Variants in PPP2R5A observed in about 807,000 individuals in gnomAD.
The protein encoded by PPP2R5A is protein phosphatase 2 regulatory subunit B'alpha.
Under a neutral mutation model 64.2 loss-of-function variants are expected in PPP2R5A, and 25 were observed. The ratio of observed to expected loss-of-function variants is 0.39; its 90% CI spans 0.28 to 0.54. PPP2R5A has a LOEUF of 0.54. PPP2R5A is among the 20% of genes least tolerant of loss of function. The pLI is 0.67. For missense variants in PPP2R5A, 425 were observed against 576.3 expected (o/e 0.74, Z 2.69); for synonymous variants, 198 against 201.2 (o/e 0.98, Z 0.13).
rs1658484834 is a variant in PPP2R5A, at chr1:212,285,879, C to T, written c.-232C>T. ...CCCCCGCCCTTCCCTCCGTCAGCCC[C>T]GGGAGCTCGCCGCGCGCCGGGGACC... On this transcript the variant is annotated 5_prime_UTR_variant, in exon 1 of 13. Transcript: ENST00000261461. 2.5e-6 allele frequency: 1 copy of T among 402,870 alleles called. No homozygotes were observed. Among genetic ancestry groups the T allele is most frequent in the South Asian group, 7.9e-5 (1 of 12,708 alleles). The allele number at this position is 402,870 out of a possible 1,614,324, so 25.0% of individuals were successfully genotyped here.
chr1:212,345,866 C>T lies in PPP2R5A; in HGVS notation c.637C>T (p.Arg213Ter). 6.2e-7 allele frequency: 1 copy of T among 1,611,884 alleles called. No homozygotes were observed. Among genetic ancestry groups the T allele is most frequent in the Non-Finnish European group, 8.5e-7 (1 of 1,178,826 alleles). Residue 213 changes from arginine to a stop codon, truncating the protein, a stop_gained, in exon 5 of 13, where the codon CGA becomes TGA. Transcript: ENST00000261461. LOFTEE classifies it high-confidence loss of function. ...ERDFLKTVLH[R>*]IYGKFLGLRA... is the part of the protein sequence containing the mutation. ...TGACTTCCTGAAGACTGTTCTGCAC[C>T]GAATTTATGGGAAATTTCTTGGATT... is the stretch of plus-strand genomic sequence containing the variant.
At chr1:212,352,915 TG>T (rs758170756) in intron 8 of PPP2R5A, 1 of 519,194 alleles carries the variant, frequency 1.9e-6, no homozygotes, top group South Asian at 1.4e-5. Flanking sequence ...TTCTGTTTGC[TG>T]TAACTGATCT....
intron 1 of PPP2R5A, among the ~76,000 whole-genome samples, chr1:212,293,741 A>G (rs911493045): frequency 4.6e-5 from 7 of 152,046 alleles, no homozygotes; most frequent in African/African-American, 1.4e-4. Context: ...ACTGAAGACA[A>G]GGGATTTCTT....
chr1:212,328,887 C>G (rs961791889), intron 1 of PPP2R5A, among the ~76,000 whole-genome samples: 4 of 152,018 alleles, frequency 2.6e-5, no homozygotes, highest in African/African-American at 9.7e-5. Context: ...GAGTTTGAGT[C>G]TATCTTGGGC....
chr1:212,289,985 C>T (rs1658571653), intron 1 of PPP2R5A, among the ~76,000 whole-genome samples: 1 of 152,120 alleles, frequency 6.6e-6, no homozygotes, highest in Non-Finnish European at 1.5e-5. Flanking sequence ...AGAAATCAAC[C>T]TAACCAGTAG....
chr1:212,296,589 T>C (rs970865092), intron 1 of PPP2R5A, among the ~76,000 whole-genome samples: 2 of 152,190 alleles, frequency 1.3e-5, no homozygotes, highest in African/African-American at 4.8e-5. Context: ...GTTATGTGCA[T>C]GAAGGAGAGC....
rs1238531803 is a variant in PPP2R5A at position 212,302,055 on chromosome 1, T to C, written c.181+15764T>C. On this transcript the variant is annotated intron_variant, in intron 1 of 12. Transcript: ENST00000261461. ...GAAGTTTAGTTTATCACTGATTTAA[T>C]GAAGAAGGGCAAGAAGAGGAAGGCT... 7.8e-6 allele frequency: 12 copies of C among 1,528,662 alleles called. 1 individual carries two copies. Among genetic ancestry groups the C allele is most frequent in the Non-Finnish European group, 8.8e-6 (10 of 1,141,380 alleles). The allele number at this position is 1,528,662 out of a possible 1,614,324, so 94.7% of individuals were successfully genotyped here. A position where few individuals can be genotyped will look rare whatever the true frequency, so the allele number is the denominator to read the frequency against.
intron 1 of PPP2R5A, among the ~76,000 whole-genome samples, chr1:212,318,171 T>A (rs899109258): frequency 6.6e-6 from 1 of 152,228 alleles, no homozygotes; most frequent in Non-Finnish European, 1.5e-5. Context: ...TTGAGAATTA[T>A]CTTTAGTGAG....
intron 1 of PPP2R5A, among the ~76,000 whole-genome samples, chr1:212,323,928 C>G (rs879750630): frequency 4.0e-5 from 6 of 151,830 alleles, no homozygotes; most frequent in Non-Finnish European, 5.9e-5. Context: ...AAAAATTAGC[C>G]GGGTGTGGTG....
At chr1:212,344,929 C>T (rs553708710) in intron 4 of PPP2R5A, among the ~76,000 whole-genome samples, 6 of 152,108 alleles carry the variant, frequency 3.9e-5, no homozygotes, top group South Asian at 2.1e-4. Flanking sequence ...TTTGGGACAC[C>T]GAGGAGGGTG....
chr1:212,322,755 T>TTTATTTA (rs147135497), intron 1 of PPP2R5A, among the ~76,000 whole-genome samples: 50 of 147,010 alleles, frequency 3.4e-4, no homozygotes, highest in Non-Finnish European at 6.3e-4. Context: ...TTAATTCTCA[T>TTTATTTA]TTTATTTATT....
intron 1 of PPP2R5A, among the ~76,000 whole-genome samples, chr1:212,305,743 A>G (rs1050539676): frequency 2.6e-5 from 4 of 151,552 alleles, no homozygotes; most frequent in Non-Finnish European, 4.4e-5. Flanking sequence ...AGGTGCAAAT[A>G]TGTTTATAAT....
chr1:212,301,004 G>T (rs1462625808), intron 1 of PPP2R5A, among the ~76,000 whole-genome samples: 1 of 152,098 alleles, frequency 6.6e-6, no homozygotes, highest in African/African-American at 2.4e-5. Flanking sequence ...CTGCTCTAGA[G>T]ACTTGAACAC....
intron 1 of PPP2R5A, among the ~76,000 whole-genome samples, chr1:212,305,913 G>C (rs546130176): frequency 6.6e-5 from 10 of 152,108 alleles, no homozygotes; most frequent in African/African-American, 2.4e-4. Flanking sequence ...AACTGGAGTG[G>C]CTATACTAAT....
At chr1:212,339,855 C>T (rs1659657221) in intron 3 of PPP2R5A, among the ~76,000 whole-genome samples, 2 of 152,020 alleles carry the variant, frequency 1.3e-5, no homozygotes, top group South Asian at 4.1e-4. Context: ...ATGCATGCCA[C>T]ATTTGGCTCA....
chr1:212,299,070 C>A lies in PPP2R5A; in HGVS notation c.181+12779C>A, dbSNP rs1276362771. ...ACACCCCCCCCCCCCGCCTCCCTCC[C>A]GGACGGGGCGGCTGGCCGGGCAGAG... On this transcript the variant is annotated intron_variant, in intron 1 of 12. Transcript: ENST00000261461. 6.7e-3 allele frequency among the ~76,000 whole-genome samples: 179 copies of A among 26,858 alleles called. 33 individuals are homozygous for A. The highest frequency in any genetic ancestry group is 0.011 in the Non-Finnish European group (155 of 14,340). The allele number at this position is 26,858 out of a possible 152,430, so 17.6% of individuals were successfully genotyped here. A position where few individuals can be genotyped will look rare whatever the true frequency, so the allele number is the denominator to read the frequency against.
chr1:212,291,734 C>T (rs1258632483), intron 1 of PPP2R5A, among the ~76,000 whole-genome samples: 1 of 152,156 alleles, frequency 6.6e-6, no homozygotes, highest in Non-Finnish European at 1.5e-5. Context: ...AGGGGAGATA[C>T]TGCCATTAGA....
At chr1:212,351,606 T>G (rs1659881231) in intron 8 of PPP2R5A, among the ~76,000 whole-genome samples, 1 of 151,942 alleles carries the variant, frequency 6.6e-6, no homozygotes, top group South Asian at 2.1e-4. Flanking sequence ...CCCAGCTACT[T>G]GGGAGACTGA....
chr1:212,356,746 T>G (rs1659984099), intron 9 of PPP2R5A, 70 bp downstream of exon 9: 4 of 1,515,454 alleles, frequency 2.6e-6, no homozygotes, highest in African/African-American at 1.4e-5. Context: ...AAACCATGCT[T>G]CTTTGGGCTG....
Sources: allele counts gnomAD v4.1 joint callset (sites outside exome capture counted in the v4.1 genomes callset), GRCh38; gene constraint gnomAD v4.1.1; transcripts MANE v1.5; gene names NCBI Gene and HGNC (gene_info 2026-07-23, HGNC 2026-07-21).